The following BMPR1B variants were observed in gnomAD, a reference collection of about 807,000 sequenced individuals.
BMPR1B encodes bone morphogenetic protein receptor type 1B.
A neutral mutation model predicts 59.1 loss-of-function variants in BMPR1B; 12 were observed. The ratio of observed to expected loss-of-function variants is 0.20; its 90% CI spans 0.13 to 0.33. The LOEUF is 0.33. Among genes scored for constraint, BMPR1B ranks in the 10% least tolerant of loss-of-function variants. BMPR1B has a pLI of 1.00. For synonymous variants in BMPR1B, 237 were observed against 207.3 expected (o/e 1.14, Z -1.23); for missense variants, 550 against 610.9 (o/e 0.90, Z 1.05).
At chr4:95,029,206 C>A (rs1248977491) in intron 3 of BMPR1B, among the ~76,000 whole-genome samples, 1 of 151,720 alleles carries the variant, frequency 6.6e-6, no homozygotes, top group East Asian at 1.9e-4. Context: ...ATTAACTCGT[C>A]ATTTAGCATT....
chr4:94,852,427 G>T, intron 1 of BMPR1B, among the ~76,000 whole-genome samples: 1 of 151,972 alleles, frequency 6.6e-6, no homozygotes, highest in East Asian at 1.9e-4. Flanking sequence ...GTCATTTATA[G>T]ATTAAAGAAT....
intron 3 of BMPR1B, among the ~76,000 whole-genome samples, chr4:95,020,818 C>T (rs1183978179): frequency 6.6e-6 from 1 of 152,140 alleles, no homozygotes; most frequent in East Asian, 1.9e-4. Context: ...TCAGGCAATG[C>T]TCCTGCCTCA....
chr4:94,831,237 A>AC (rs200801784), intron 1 of BMPR1B, among the ~76,000 whole-genome samples: 1 of 146,838 alleles, frequency 6.8e-6, no homozygotes, highest in Non-Finnish European at 1.6e-5. Flanking sequence ...AAAAAGTAAA[A>AC]AAAAAAAAAA....
In BMPR1B at chr4:95,155,160, G is replaced by C. The variant is rs183245717; in HGVS notation, c.*487G>C. 5.7e-6 allele frequency: 1 copy of C among 174,396 alleles called. No homozygotes were observed. Among genetic ancestry groups the C allele is most frequent in the Non-Finnish European group, 1.2e-5 (1 of 81,212 alleles). The allele number at this position is 174,396 out of a possible 1,614,324, so 10.8% of individuals were successfully genotyped here. On this transcript the variant is annotated 3_prime_UTR_variant, in exon 13 of 13. Transcript: ENST00000515059. ...GTGAACCAAAAGACAGTCTAAGTTG[G>C]AGGACATAGAACGGAACTCATCTTA... is the stretch of plus-strand genomic sequence containing the variant.
rs577213345 is a variant in BMPR1B, at chr4:95,157,463, A to G, written c.*2790A>G. Reference sequence around the variant, plus strand: ...CACTTGAATAAATGAGAACCCAGAAATTAATAATGTTGTTTATTGCTTACT... The same window carrying G: ...CACTTGAATAAATGAGAACCCAGAAGTTAATAATGTTGTTTATTGCTTACT... On this transcript the variant is annotated 3_prime_UTR_variant, in exon 13 of 13. Transcript: ENST00000515059. 9 of 152,156 alleles carry G rather than the reference A, an allele frequency of 5.9e-5. No homozygotes were observed. The highest frequency in any genetic ancestry group is 5.2e-4 in the Admixed American group (8 of 15,282). 9.4% of individuals were successfully genotyped at this position (152,156 alleles called of 1,614,324 possible).
At chr4:94,899,239 A>G (rs1005536312) in intron 2 of BMPR1B, among the ~76,000 whole-genome samples, 1 of 151,916 alleles carries the variant, frequency 6.6e-6, no homozygotes, top group African/African-American at 2.4e-5. Context: ...AATCTAGGAT[A>G]GTCTTCCCAC....
chr4:95,138,333 C>T (rs1368690042), intron 10 of BMPR1B, among the ~76,000 whole-genome samples: 1 of 152,148 alleles, frequency 6.6e-6, no homozygotes, highest in African/African-American at 2.4e-5. Flanking sequence ...TCTGACTGCC[C>T]TTAACATTTT....
chr4:95,026,139 T>TTTCTTTCTTTCTTTCTTTCTTTCG (rs1724389983), intron 3 of BMPR1B, among the ~76,000 whole-genome samples: 1 of 149,216 alleles, frequency 6.7e-6, no homozygotes, highest in Non-Finnish European at 1.5e-5. Context: ...TCTTTCTTTC[T>TTTCTTTCTTTCTTTCTTTCTTTCG]TTCTTTCTTT....
At chr4:95,030,635 CA>C (rs1724767272) in intron 3 of BMPR1B, among the ~76,000 whole-genome samples, 2 of 151,992 alleles carry the variant, frequency 1.3e-5, no homozygotes, top group Admixed American at 1.3e-4. Context: ...TGTCTCAGCC[CA>C]AAATCTCCTT....
At chr4:94,959,435 C>T (rs1730273391) in intron 2 of BMPR1B, among the ~76,000 whole-genome samples, 1 of 152,158 alleles carries the variant, frequency 6.6e-6, no homozygotes, top group Non-Finnish European at 1.5e-5. Flanking sequence ...AAGACCCCTT[C>T]TCCGACCCAG....
chr4:95,130,723 C>CTTTTT (rs148720302), intron 9 of BMPR1B, among the ~76,000 whole-genome samples: 2,327 of 77,854 alleles, frequency 0.03, 1 homozygote, highest in East Asian at 0.042. Flanking sequence ...CTTTTCTTTT[C>CTTTTT]TTTTTTTTTT....
intron 6 of BMPR1B, among the ~76,000 whole-genome samples, chr4:95,123,518 A>G (rs1454162560): frequency 6.6e-6 from 1 of 152,058 alleles, no homozygotes; most frequent in Non-Finnish European, 1.5e-5. Context: ...GCACAGACCC[A>G]CTTAGCTTTG....
chr4:94,903,705 T>C (rs1371933945), intron 2 of BMPR1B, among the ~76,000 whole-genome samples: 1 of 151,968 alleles, frequency 6.6e-6, no homozygotes, highest in African/African-American at 2.4e-5. Flanking sequence ...TGATTGGGTT[T>C]AAATGAAGTC....
At chr4:94,867,151 A>G (rs1488677195) in intron 1 of BMPR1B, among the ~76,000 whole-genome samples, 1 of 152,304 alleles carries the variant, frequency 6.6e-6, no homozygotes, top group Middle Eastern at 3.4e-3. Flanking sequence ...AAAGGTTCCA[A>G]GAAACCACTG....
chr4:95,120,665 T>TCCTTTCCTTC (rs1560669360), intron 6 of BMPR1B, among the ~76,000 whole-genome samples: 5 of 144,742 alleles, frequency 3.5e-5, no homozygotes, highest in Non-Finnish European at 6.0e-5. Context: ...CTTCCTTCCT[T>TCCTTTCCTTC]CTTCTTTCTT....
intron 1 of BMPR1B, among the ~76,000 whole-genome samples, chr4:94,802,542 A>G (rs1028115664): frequency 6.6e-6 from 1 of 152,208 alleles, no homozygotes; most frequent in African/African-American, 2.4e-5. Context: ...AAGGGATGGT[A>G]GAGTTTACTT....
At chr4:95,142,026 C>T (rs967910849) in intron 10 of BMPR1B, among the ~76,000 whole-genome samples, 3 of 152,226 alleles carry the variant, frequency 2.0e-5, no homozygotes, top group Non-Finnish European at 2.9e-5. Flanking sequence ...TCATTCGTGG[C>T]ATAGTGAACA....
intron 1 of BMPR1B, among the ~76,000 whole-genome samples, chr4:94,830,933 C>G (rs1342585775): frequency 1.3e-5 from 2 of 152,050 alleles, no homozygotes; most frequent in Non-Finnish European, 2.9e-5. Flanking sequence ...TAATAAATGA[C>G]TATGTTACAG....
intron 3 of BMPR1B, among the ~76,000 whole-genome samples, chr4:95,051,993 A>G (rs937423230): frequency 9.9e-5 from 15 of 152,200 alleles, no homozygotes; most frequent in Admixed American, 6.5e-5. Flanking sequence ...TAACATTTCT[A>G]TTTTCTCTAA....
Sources: gnomAD v4.1 joint callset for allele counts (sites outside exome capture counted in the v4.1 genomes callset) on GRCh38, gnomAD v4.1.1 for gene constraint, MANE v1.5 for transcripts, NCBI Gene and HGNC (gene_info 2026-07-23, HGNC 2026-07-21) for gene names.